CFAP70: variants seen among roughly 807,000 people sequenced by gnomAD.
CFAP70 encodes cilia and flagella associated protein 70.
A neutral mutation model predicts 137.6 loss-of-function variants in CFAP70; 81 were observed. The observed-to-expected ratio is 0.59, with a 90% confidence interval of 0.49 to 0.71. The LOEUF (loss-of-function observed/expected upper bound fraction) is 0.71, where lower values mean the gene tolerates loss of function less well. Among genes scored for constraint, CFAP70 ranks in the 30% least tolerant of loss-of-function variants. The pLI is 0.00. For missense variants in CFAP70, 976 were observed against 1,226.7 expected, an observed-to-expected ratio of 0.80 and a Z score of 3.05; for synonymous variants, 382 against 423.6, an observed-to-expected ratio of 0.90 and a Z score of 1.20.
At chr10:73,340,781 C>T (rs1237428343) in intron 6 of CFAP70, among the ~76,000 whole-genome samples, 1 of 152,262 alleles carries the variant, frequency 6.6e-6, no homozygotes, top group East Asian at 1.9e-4. Context: ...CACAGCTTTG[C>T]TCCAAAATTG....
chr10:73,260,698 A>G (rs1176064585), intron 25 of CFAP70, among the ~76,000 whole-genome samples: 1 of 152,230 alleles, frequency 6.6e-6, no homozygotes, highest in East Asian at 1.9e-4. Context: ...TTTCAAATAA[A>G]TAGAATCAAA....
intron 19 of CFAP70, among the ~76,000 whole-genome samples, chr10:73,285,659 G>A (rs971390667): frequency 6.8e-6 from 1 of 147,156 alleles, no homozygotes; most frequent in South Asian, 2.2e-4. Flanking sequence ...TTTTGAGACG[G>A]AGTCTCACTC....
intron 9 of CFAP70, among the ~76,000 whole-genome samples, chr10:73,315,465 T>C (rs1051638584): frequency 4.6e-5 from 7 of 152,212 alleles, no homozygotes; most frequent in African/African-American, 1.7e-4. Context: ...CACATATATG[T>C]CTTCGTGTAA....
At chr10:73,333,045 T>C (rs922660419) in intron 7 of CFAP70, among the ~76,000 whole-genome samples, 16 of 152,126 alleles carry the variant, frequency 1.1e-4, no homozygotes, top group African/African-American at 3.9e-4. Context: ...CAAGAACAGA[T>C]GGGTAATGTA....
At chr10:73,260,014 C>G (rs999255420) in intron 25 of CFAP70, among the ~76,000 whole-genome samples, 1 of 150,784 alleles carries the variant, frequency 6.6e-6, no homozygotes, top group Non-Finnish European at 1.5e-5. Flanking sequence ...GGTACCAGAG[C>G]AAGACCCTGT....
chr10:73,319,739 G>A (rs1326191853), intron 9 of CFAP70, among the ~76,000 whole-genome samples: 1 of 152,118 alleles, frequency 6.6e-6, no homozygotes, highest in Admixed American at 6.5e-5. Context: ...GCAAACATCA[G>A]TTTGGTTCTA....
chr10:73,316,565 TATATGTGC>T (rs2132145488), intron 9 of CFAP70, among the ~76,000 whole-genome samples: 1 of 149,122 alleles, frequency 6.7e-6, no homozygotes, highest in South Asian at 2.1e-4. Context: ...CATACACACA[TATATGTGC>T]ATATGTGTAT....
chr10:73,303,374 C>T (rs1457294343), intron 12 of CFAP70, among the ~76,000 whole-genome samples: 10 of 152,110 alleles, frequency 6.6e-5, no homozygotes, highest in Admixed American at 2.6e-4. Flanking sequence ...CCCGCCACCA[C>T]GCCCGGCTAA....
intron 9 of CFAP70, among the ~76,000 whole-genome samples, chr10:73,319,120 A>T (rs908385585): frequency 6.6e-6 from 1 of 152,232 alleles, no homozygotes; most frequent in Admixed American, 6.5e-5. Flanking sequence ...TAAAACAATA[A>T]CCAAGGAAGT....
intron 7 of CFAP70, among the ~76,000 whole-genome samples, chr10:73,333,709 G>A (rs760954140): frequency 2.0e-5 from 3 of 152,182 alleles, no homozygotes; most frequent in Non-Finnish European, 4.4e-5. Flanking sequence ...AAACAAAAAT[G>A]AGAGGAGTTT....
chr10:73,274,629 AG>A, intron 22 of CFAP70, 35 bp from the exon 24 acceptor site: 1 of 1,561,004 alleles, frequency 6.4e-7, no homozygotes, highest in Non-Finnish European at 8.7e-7. Flanking sequence ...ATATGGGATA[AG>A]GTAGTATTTA....
chr10:73,360,875 T>C (rs1296719746), upstream of CFAP70, among the ~76,000 whole-genome samples: 3 of 152,226 alleles, frequency 2.0e-5, no homozygotes, highest in African/African-American at 7.2e-5. Context: ...GATCTTGGTC[T>C]ACTTAGTACT....
intron 7 of CFAP70, among the ~76,000 whole-genome samples, chr10:73,334,529 G>A (rs144282490): frequency 4.6e-5 from 7 of 152,118 alleles, no homozygotes; most frequent in East Asian, 3.9e-4. Context: ...AAGGAAAGAC[G>A]GAGCCTGGAT....
chr10:73,359,082 C>A (rs1271905573), upstream of CFAP70, among the ~76,000 whole-genome samples: 1 of 152,184 alleles, frequency 6.6e-6, no homozygotes, highest in Non-Finnish European at 1.5e-5. Flanking sequence ...TTGAAAACAT[C>A]ATTTAAATAT....
chr10:73,269,187 A>G (rs1470506037), intron 25 of CFAP70, among the ~76,000 whole-genome samples: 1 of 152,166 alleles, frequency 6.6e-6, no homozygotes, highest in Non-Finnish European at 1.5e-5. Flanking sequence ...AAGTCTAACT[A>G]TGGGAGAGTT....
exon 8 of CFAP70, chr10:73,331,204 G>A: frequency 6.2e-7 from 1 of 1,612,792 alleles, no homozygotes; most frequent in South Asian, 1.1e-5. Context: ...CTTTCCCTTT[G>A]GGTATAGTGA....
intron 19 of CFAP70, among the ~76,000 whole-genome samples, chr10:73,279,579 T>C (rs1030321272): frequency 6.9e-6 from 1 of 145,254 alleles, no homozygotes; most frequent in Non-Finnish European, 1.5e-5. Context: ...ATATAAGAAG[T>C]TGGGCGAGGT....
intron 25 of CFAP70, among the ~76,000 whole-genome samples, chr10:73,259,297 A>G (rs960805548): frequency 2.0e-5 from 3 of 152,122 alleles, no homozygotes; most frequent in Non-Finnish European, 2.9e-5. Context: ...CCATACTTTA[A>G]TTTTTGCCAA....
exon 24 of CFAP70, chr10:73,272,948 G>C: frequency 6.4e-7 from 1 of 1,552,714 alleles, no homozygotes; most frequent in Non-Finnish European, 8.7e-7. Flanking sequence ...GCGATTCCCA[G>C]TCCTAGCCAG....
Sources: gnomAD v4.1 joint callset for allele counts (sites outside exome capture counted in the v4.1 genomes callset) on GRCh38, gnomAD v4.1.1 for gene constraint, MANE v1.5 for transcripts, NCBI Gene and HGNC (gene_info 2026-07-23, HGNC 2026-07-21) for gene names.